ARMH3: variants seen among roughly 807,000 people sequenced by gnomAD.
ARMH3 encodes the protein armadillo like helical domain containing 3.
A neutral mutation model predicts 99.1 loss-of-function variants in ARMH3; 60 were observed. The observed-to-expected ratio is 0.61, with a 90% CI of 0.49 to 0.75. The LOEUF (loss-of-function observed/expected upper bound fraction) is 0.75, where lower values mean the gene tolerates loss of function less well. Among genes scored for constraint, ARMH3 ranks in the 30% least tolerant of loss-of-function variants. The probability of loss-of-function intolerance (pLI) is 0.00; values close to 1 mark genes in which losing one functional copy is unlikely to be tolerated. For synonymous variants in ARMH3, 285 were observed against 292.8 expected (o/e 0.97, Z 0.27); for missense variants, 679 against 843.1 (o/e 0.81, Z 2.41).
At chr10:101,862,591 A>G (rs1319049524) in intron 24 of ARMH3, among the ~76,000 whole-genome samples, 3 of 152,146 alleles carry the variant, frequency 2.0e-5, no homozygotes, top group Admixed American at 2.0e-4. Context: ...AATAAATAAC[A>G]TGAAGGTACA....
chr10:101,890,163 C>T (rs748298565), intron 23 of ARMH3, among the ~76,000 whole-genome samples: 3 of 151,702 alleles, frequency 2.0e-5, no homozygotes, highest in Admixed American at 1.3e-4. Context: ...GGTTTTAGAT[C>T]AGGGTTTTAC....
At chr10:101,871,512 T>C (rs907605754) in intron 24 of ARMH3, among the ~76,000 whole-genome samples, 1 of 152,174 alleles carries the variant, frequency 6.6e-6, no homozygotes, top group South Asian at 2.1e-4. Context: ...AAACTGCACA[T>C]ACATGTTCAA....
chr10:101,986,669 A>G (rs17777931), intron 19 of ARMH3, among the ~76,000 whole-genome samples: 7,453 of 152,180 alleles, frequency 0.049, 198 homozygotes, highest in Middle Eastern at 0.095. Flanking sequence ...TATACTGCCG[A>G]AAAGGGGTAC....
chr10:102,051,838 A>G (rs1183327597), intron 1 of ARMH3, among the ~76,000 whole-genome samples: 3 of 152,220 alleles, frequency 2.0e-5, no homozygotes, highest in Non-Finnish European at 2.9e-5. Flanking sequence ...TAATGTTACA[A>G]ATGATCAATG....
At chr10:102,041,092 T>TATATATATATATATATA (rs1274617856) in intron 1 of ARMH3, among the ~76,000 whole-genome samples, 12 of 116,166 alleles carry the variant, frequency 1.0e-4, no homozygotes, top group Non-Finnish European at 2.0e-4. Flanking sequence ...ATATATATAA[T>TATATATATATATATATA]ATATATATAT....
At chr10:101,937,183 A>C (rs1257424875) in intron 23 of ARMH3, among the ~76,000 whole-genome samples, 2 of 152,216 alleles carry the variant, frequency 1.3e-5, no homozygotes, top group Non-Finnish European at 2.9e-5. Flanking sequence ...AGGAGGCATT[A>C]TGGTTTGCAA....
chr10:101,995,286 G>C lies in ARMH3; in HGVS notation c.1209+11C>G. On this transcript the variant is annotated intron_variant, in intron 16 of 25. Transcript: ENST00000370033. ...AAGACTGCCTAATAGCAGAAGGCTC[G>C]TGAGACCTACCTCTGCAATACATGT... 6.2e-7 allele frequency: 1 copy of C among 1,611,718 alleles called. No homozygotes were observed.
chr10:101,970,383 C>T (rs1160791264), intron 20 of ARMH3, among the ~76,000 whole-genome samples: 2 of 152,184 alleles, frequency 1.3e-5, no homozygotes, highest in African/African-American at 4.8e-5. Flanking sequence ...TTAACAACAT[C>T]CTACTGGGTT....
At chr10:101,916,496 T>A (rs1040656381) in intron 23 of ARMH3, among the ~76,000 whole-genome samples, 1 of 152,190 alleles carries the variant, frequency 6.6e-6, no homozygotes, top group African/African-American at 2.4e-5. Context: ...TTGCCACACA[T>A]AAAGTATGGA....
intron 2 of ARMH3, among the ~76,000 whole-genome samples, chr10:102,036,253 G>C (rs1394956795): frequency 1.3e-5 from 2 of 149,828 alleles, no homozygotes; most frequent in African/African-American, 2.5e-5. Context: ...CCGGGAGGGA[G>C]ATGGGGGGGC....
rs1357448370 is a variant in ARMH3 at position 101,847,582 on chromosome 10, G to A, written c.2016C>T (p.Ala672=). 1 of 1,614,096 alleles carries A rather than the reference G, an allele frequency of 6.2e-7. No individual in the cohort carries two copies. Among genetic ancestry groups the A allele is most frequent in the Non-Finnish European group, 8.5e-7 (1 of 1,180,038 alleles). ...GGACTTCTTGGCTGAGTGTGTGGAAGGCCAGGTTTCTCCGGACGTTGGTGC... is the reference window on the plus strand; with the variant it reads ...GGACTTCTTGGCTGAGTGTGTGGAAAGCCAGGTTTCTCCGGACGTTGGTGC... ...SISTNVRRNL[A]FHTLSQEVLL... The change falls in exon 26 of 26, where the codon GCC becomes GCT. Residue 672 remains alanine, a synonymous_variant. Transcript: ENST00000370033.
At chr10:101,849,258 C>A (rs1188899487) in intron 25 of ARMH3, among the ~76,000 whole-genome samples, 1 of 152,162 alleles carries the variant, frequency 6.6e-6, no homozygotes, top group Non-Finnish European at 1.5e-5. Flanking sequence ...AGGGCTAGCT[C>A]TGTGGAGACA....
chr10:101,945,467 C>A (rs1047788734), intron 22 of ARMH3, among the ~76,000 whole-genome samples: 1 of 152,094 alleles, frequency 6.6e-6, no homozygotes, highest in Non-Finnish European at 1.5e-5. Context: ...CTTGTAATCC[C>A]AGCACTTTGG....
intron 17 of ARMH3, among the ~76,000 whole-genome samples, chr10:101,993,147 T>A (rs1048587529): frequency 6.6e-6 from 1 of 152,018 alleles, no homozygotes; most frequent in South Asian, 2.1e-4. Flanking sequence ...GGCAGCCACC[T>A]GTAATCCCAG....
intron 14 of ARMH3, 56 bp downstream of exon 14, chr10:102,006,484 C>T: frequency 1.3e-6 from 2 of 1,556,466 alleles, no homozygotes; most frequent in Non-Finnish European, 1.8e-6. Flanking sequence ...GCTATGCTCA[C>T]TCTGAGAGAT....
chr10:101,942,405 C>T (rs1564775781), intron 22 of ARMH3, among the ~76,000 whole-genome samples: 2 of 152,120 alleles, frequency 1.3e-5, no homozygotes, highest in Admixed American at 6.5e-5. Context: ...ATTTTCTATG[C>T]TTTTTCTTTA....
chr10:102,029,910 CG>C (rs1178869259), intron 4 of ARMH3, among the ~76,000 whole-genome samples, 165 bp from the exon 5 acceptor site: 1 of 150,668 alleles, frequency 6.6e-6, no homozygotes, highest in Admixed American at 6.6e-5. Context: ...CCGTTTGGTT[CG>C]GTTTTTTTGT....
chr10:101,957,830 AGAGT>A (rs1430183916), intron 20 of ARMH3, 98 bp from the exon 21 acceptor site: 12 of 1,448,640 alleles, frequency 8.3e-6, no homozygotes, highest in East Asian at 4.9e-5. Flanking sequence ...CCAGAAGGTT[AGAGT>A]GAGTAAGTCT....
At chr10:101,914,198 T>C (rs879489435) in intron 23 of ARMH3, among the ~76,000 whole-genome samples, 10 of 152,044 alleles carry the variant, frequency 6.6e-5, no homozygotes, top group Admixed American at 2.0e-4. Context: ...GATTAAGATA[T>C]GATACCCGAG....
Sources: gnomAD v4.1 joint callset for allele counts (sites outside exome capture counted in the v4.1 genomes callset) on GRCh38, gnomAD v4.1.1 for gene constraint, MANE v1.5 for transcripts, NCBI Gene and HGNC (gene_info 2026-07-23, HGNC 2026-07-21) for gene names.